Variants in SPDYE1 observed in about 807,000 individuals in gnomAD.
SPDYE1 encodes the protein speedy/RINGO cell cycle regulator family member E1.
In SPDYE1, 29 loss-of-function variants were observed where a neutral mutation model predicts 45.9. The ratio of observed to expected loss-of-function variants is 0.63; its 90% CI spans 0.47 to 0.86. The LOEUF is 0.86. SPDYE1 is among the 40% of genes least tolerant of loss of function. The pLI, the probability that SPDYE1 is intolerant of heterozygous loss-of-function variation, is 0.00. For synonymous variants in SPDYE1, 134 were observed against 176.8 expected, an observed-to-expected ratio of 0.76 and a Z score of 1.92; for missense variants, 346 against 481.4, an observed-to-expected ratio of 0.72 and a Z score of 2.63.
chr7:43,999,396 T>A (rs2096059597), intron 1 of SPDYE1, among the ~76,000 whole-genome samples, 132 bp from the exon 2 acceptor site: 1 of 129,730 alleles, frequency 7.7e-6, no homozygotes, highest in Non-Finnish European at 1.7e-5. Context: ...ATTCCTGGGA[T>A]CTCTTGTACA....
intron 5 of SPDYE1, 91 bp from the exon 6 acceptor site, chr7:44,005,051 A>T: frequency 1.4e-6 from 2 of 1,430,978 alleles, no homozygotes; most frequent in African/African-American, 2.8e-5. Context: ...TCTGATGGGC[A>T]GCCCCTCCCC....
intron 4 of SPDYE1, 45 bp downstream of exon 4, chr7:44,002,862 A>G: frequency 8.1e-7 from 1 of 1,233,586 alleles, no homozygotes; most frequent in Non-Finnish European, 1.1e-6. Flanking sequence ...GTTCTTTCCA[A>G]AAACAGGAAA....
At chr7:44,000,921 G>A in intron 2 of SPDYE1, 145 bp from the exon 3 acceptor site, 2 of 1,569,130 alleles carry the variant, frequency 1.3e-6, no homozygotes. Context: ...ATGGGGTTGA[G>A]CAGAGGAGAA....
At position 44,000,418 on chromosome 7, in the gene SPDYE1, C is replaced by CAAA. The variant is rs56132146; in HGVS notation, c.160+321_160+323dup. ...GAGCTGAGATCACGCTACTGCACTC[C>CAAA]AAAAAAAAAAAAAAGAAAAGAAAAG... On this transcript the variant is annotated intron_variant, in intron 2 of 8. Coordinates refer to ENST00000693451, the MANE Select transcript of SPDYE1 (RefSeq NM_001378423.2). Among the ~76,000 whole-genome samples the CAAA allele has an allele frequency of 1.1e-3, 126 of 109,824 alleles. 1 individual carries two copies. The South Asian group carries it at 0.015, about 13-fold the overall frequency. 72.0% of individuals were successfully genotyped at this position (109,824 alleles called of 152,430 possible).
In SPDYE1 at chr7:44,009,037, G is replaced by T; in HGVS notation, c.*416G>T. On this transcript the variant is annotated 3_prime_UTR_variant, in exon 9 of 9. Coordinates refer to ENST00000693451, the MANE Select transcript of SPDYE1 (RefSeq NM_001378423.2). ...CAGGAGCATTTGAAGGCACAATGCAGGGGCTCAGATTGGCACAGAATTCTT... is the reference window on the plus strand; with the variant it reads ...CAGGAGCATTTGAAGGCACAATGCATGGGCTCAGATTGGCACAGAATTCTT... The T allele has an allele frequency of 2.9e-6, 1 of 345,760 alleles. No homozygotes were observed. The highest frequency in any genetic ancestry group is 2.2e-5 in the South Asian group (1 of 45,032). The allele number at this position is 345,760 out of a possible 1,614,324, so 21.4% of individuals were successfully genotyped here.
At chr7:43,998,335 A>G (rs931004169) in intron 1 of SPDYE1, among the ~76,000 whole-genome samples, 6 of 151,370 alleles carry the variant, frequency 4.0e-5, no homozygotes, top group Admixed American at 3.3e-4. Context: ...TTTTTTTGAG[A>G]TGGAGTTTTG....
At chr7:44,000,378 G>T (rs1374568438) in intron 2 of SPDYE1, among the ~76,000 whole-genome samples, 2 of 150,660 alleles carry the variant, frequency 1.3e-5, no homozygotes, top group East Asian at 3.9e-4. Flanking sequence ...GAGACTGGGA[G>T]GAAGAGGTTG....
intron 1 of SPDYE1, among the ~76,000 whole-genome samples, chr7:43,999,248 C>G (rs2096059345): frequency 6.6e-6 from 1 of 152,200 alleles, no homozygotes; most frequent in South Asian, 2.1e-4. Context: ...CAAAATGTCT[C>G]TTGGACTCAA....
At position 44,002,612 on chromosome 7, in the gene SPDYE1, C is replaced by A. The variant is rs1385212043; in HGVS notation, c.402C>A (p.Pro134=). 9 of 1,594,554 alleles carry A rather than the reference C, an allele frequency of 5.6e-6. No homozygotes were observed. The highest frequency in any genetic ancestry group is 6.8e-6 in the Non-Finnish European group (8 of 1,178,926). ...CAGCCCCTGGGGTAGATCCCAGCCC[C>A]CCGCATAGGTCCTTTTGCTGGAAAA... ...SQLAPGVDPS[P]PHRSFCWKRK... The change falls in exon 4 of 9, where the codon CCC becomes CCA. Residue 134 remains proline (P), a synonymous_variant. Coordinates refer to ENST00000693451, the MANE Select transcript of SPDYE1 (RefSeq NM_001378423.2).
chr7:44,004,353 T>C (rs1053610234), intron 5 of SPDYE1: 4 of 263,710 alleles, frequency 1.5e-5, no homozygotes, highest in African/African-American at 4.6e-5. Flanking sequence ...TGGTCTTGAG[T>C]CTTGGCACCC....
At chr7:44,000,314 T>G (rs2096061077) in intron 2 of SPDYE1, among the ~76,000 whole-genome samples, 1 of 148,356 alleles carries the variant, frequency 6.7e-6, no homozygotes, top group South Asian at 2.1e-4. Context: ...CAAGTGGTAG[T>G]GGTGCACACC....
rs1488475498 is a variant in SPDYE1, at chr7:44,005,240, C to T, written c.752+13C>T. 1 of 1,611,902 alleles carries T rather than the reference C, an allele frequency of 6.2e-7. No homozygotes were observed. Among genetic ancestry groups the T allele is most frequent in the South Asian group, 1.1e-5 (1 of 90,986 alleles). ...TCTTCCTGGCTCTGTGAGTGGTTTG[C>T]TGCCTCCTATCCGTCAATATCCAAT... On this transcript the variant is annotated intron_variant, in intron 6 of 8. Coordinates refer to ENST00000693451, the MANE Select transcript of SPDYE1 (RefSeq NM_001378423.2).
Position 44,001,168 on chromosome 7 carries a change from C to T in SPDYE1, c.263C>T (p.Pro88Leu). 3 of 1,598,260 alleles carry T rather than the reference C, an allele frequency of 1.9e-6. No individual in the cohort carries two copies. The highest frequency in any genetic ancestry group is 1.9e-4 in the Middle Eastern group (1 of 5,144). Reference sequence around the variant, plus strand: ...GAGGAGCCGGAGAAGGAGCTCGCCCCTGAGCCTGAGGAGACCTGGGTAGTG... The same window carrying T: ...GAGGAGCCGGAGAAGGAGCTCGCCCTTGAGCCTGAGGAGACCTGGGTAGTG... ...SEEEPEKELA[P>L]EPEETWVVET... is the part of the protein sequence containing the mutation. Residue 88 changes from proline (P) to leucine (L), a missense_variant, in exon 3 of 9, where the codon CCT (proline) becomes CTT (leucine). By Grantham distance (98) the Pro-to-Leu change is moderately conservative (BLOSUM62 -3). This residue lies in a region of SPDYE1 where 141 missense variants were observed against 176.7 expected (regional missense o/e 0.80). Transcript: ENST00000693451.
intron 1 of SPDYE1, among the ~76,000 whole-genome samples, 28 bp from the exon 2 acceptor site, chr7:43,999,500 T>C (rs1206763630): frequency 6.6e-6 from 1 of 152,052 alleles, no homozygotes; most frequent in Non-Finnish European, 1.5e-5. Context: ...CCTAGTTTTC[T>C]TTCCCACTCT....
intron 8 of SPDYE1, among the ~76,000 whole-genome samples, chr7:44,008,175 T>C: frequency 6.6e-6 from 1 of 152,232 alleles, no homozygotes; most frequent in East Asian, 1.9e-4. Flanking sequence ...GAGGGTTCAG[T>C]GAAGCTTTGG....
chr7:44,007,104 G>C (rs2096072292), intron 6 of SPDYE1, 164 bp from the exon 7 acceptor site: 7 of 1,501,688 alleles, frequency 4.7e-6, no homozygotes, highest in African/African-American at 2.8e-5. Context: ...TCTTGATCAG[G>C]TCTCTGTCCA....
At chr7:44,008,579 G>C in intron 8 of SPDYE1, 88 bp from the exon 9 acceptor site, 1 of 1,174,588 alleles carries the variant, frequency 8.5e-7, no homozygotes, top group African/African-American at 1.6e-5. Flanking sequence ...CAATTGCTCT[G>C]AACTCTAGAC....
intron 6 of SPDYE1, among the ~76,000 whole-genome samples, chr7:44,005,974 C>G (rs1353569073): frequency 1.3e-5 from 2 of 152,146 alleles, no homozygotes; most frequent in Non-Finnish European, 1.5e-5. Flanking sequence ...CCTGGAGTCT[C>G]TCCCCAAGCC....
rs144363892 is a variant in SPDYE1 at position 44,005,206 on chromosome 7, G to A, written c.731G>A (p.Arg244His). 3.3e-4 allele frequency: 530 copies of A among 1,611,950 alleles called. No homozygotes were observed. The African/African-American group carries it at 5.2e-3, about 16-fold the overall frequency. ...RAGFPSWQYQ[R>H]LHFFLALYLA... Reference sequence around the variant, plus strand: ...GGCTTCCCCTCCTGGCAATACCAACGCCTTCATTTCTTCCTGGCTCTGTGA... The same window carrying A: ...GGCTTCCCCTCCTGGCAATACCAACACCTTCATTTCTTCCTGGCTCTGTGA... Residue 244 changes from arginine (R) to histidine (H), a missense_variant, in exon 6 of 9, where the codon CGC (arginine) becomes CAC (histidine). Arg to His is a conservative substitution (Grantham distance 29). This residue lies in a region of SPDYE1 where 186 missense variants were observed against 219.1 expected (regional missense o/e 0.85). Transcript: ENST00000693451.
Sources: gnomAD v4.1 joint callset for allele counts (sites outside exome capture counted in the v4.1 genomes callset) on GRCh38, gnomAD v4.1.1 for gene constraint, gnomAD v4.1.1 regional missense constraint, MANE v1.5 for transcripts, NCBI Gene and HGNC (gene_info 2026-07-23, HGNC 2026-07-21) for gene names.